Variants in PSD3 observed in about 807,000 individuals in gnomAD.
The protein encoded by PSD3 is PH and SEC7 domain-containing protein 3.
Under a neutral mutation model 105.5 loss-of-function variants are expected in PSD3, and 49 were observed. The ratio of observed to expected loss-of-function variants is 0.46; its 90% confidence interval spans 0.37 to 0.59. PSD3 has a LOEUF of 0.59. PSD3 is among the 20% of genes least tolerant of loss of function. The pLI, the probability that PSD3 is intolerant of heterozygous loss-of-function variation, is 0.00. For missense variants in PSD3, 1,561 were observed against 1,263.8 expected, an observed-to-expected ratio of 1.24 and a Z score of -3.57; for synonymous variants, 557 against 457.8, an observed-to-expected ratio of 1.22 and a Z score of -2.77.
chr8:19,039,805 T>C (rs1257899965), intron 1 of PSD3, among the ~76,000 whole-genome samples: 1 of 152,130 alleles, frequency 6.6e-6, no homozygotes, highest in Non-Finnish European at 1.5e-5. Context: ...GCAACAACAC[T>C]GGGAAATAGT....
At chr8:18,871,535 T>C in intron 3 of PSD3, 91 bp downstream of exon 3, 1 of 1,447,226 alleles carries the variant, frequency 6.9e-7, no homozygotes, top group Admixed American at 2.3e-5. Flanking sequence ...CCCAAGGTAT[T>C]GTGATTGAGT....
At position 18,799,300 on chromosome 8, in the gene PSD3, CA is replaced by C; in HGVS notation, c.2076del (p.His692GlnfsTer9). 1 of 1,603,098 alleles carries C rather than the reference CA, an allele frequency of 6.2e-7. No individual in the cohort carries two copies. Among genetic ancestry groups the C allele is most frequent in the East Asian group, 2.2e-5 (1 of 44,766 alleles). On this transcript the variant is annotated frameshift_variant, in exon 8 of 16. Transcript: ENST00000327040. LOFTEE classifies it high-confidence loss of function. ...CAIMLLNTDL[H>X]GHNIGKKMTC... The stretch of plus-strand genomic sequence containing the variant: ...TTTCACAAATCCACACTTACGTGGC[CA>C]TGTAGATCGGTATTAAGAAGCATTA...
At chr8:18,776,925 T>C (rs1415353010) in intron 8 of PSD3, among the ~76,000 whole-genome samples, 1 of 152,120 alleles carries the variant, frequency 6.6e-6, no homozygotes, top group African/African-American at 2.4e-5. Context: ...TTCATAAGAG[T>C]CTCTAATGAT....
chr8:18,793,419 A>C (rs904508022), intron 8 of PSD3, among the ~76,000 whole-genome samples: 2 of 151,470 alleles, frequency 1.3e-5, no homozygotes, highest in Non-Finnish European at 2.9e-5. Flanking sequence ...TCTGTGCAGC[A>C]AACCACGTTG....
intron 15 of PSD3, among the ~76,000 whole-genome samples, chr8:18,553,235 A>G (rs999538697): frequency 7.2e-5 from 11 of 152,192 alleles, no homozygotes; most frequent in African/African-American, 2.4e-4. Context: ...CCTGTTGAGG[A>G]GGACCCACCA....
chr8:18,997,614 C>T (rs188361702), intron 1 of PSD3, among the ~76,000 whole-genome samples: 1 of 152,174 alleles, frequency 6.6e-6, no homozygotes, highest in African/African-American at 2.4e-5. Context: ...AACCGAAGCC[C>T]TTGCAATAGC....
chr8:18,607,400 G>A (rs74507492), intron 11 of PSD3, among the ~76,000 whole-genome samples: 6,120 of 152,142 alleles, frequency 0.04, 320 homozygotes, highest in East Asian at 0.21. Context: ...ACAAAAGCCC[G>A]TAAGTCTATG....
rs1817051702 is a variant in PSD3, at chr8:18,867,803, T to C, written c.1505A>G (p.Gln502Arg). The C allele has an allele frequency of 9.3e-6, 15 of 1,613,950 alleles. No homozygotes were observed. The highest frequency in any genetic ancestry group is 2.2e-5 in the East Asian group (1 of 44,860). The change falls in exon 4 of 16, where the codon CAG becomes CGG. Residue 502 changes from glutamine to arginine, a missense_variant. By Grantham distance (43) the Gln-to-Arg change is conservative. Coordinates refer to ENST00000327040, the MANE Select transcript of PSD3 (RefSeq NM_015310.4). ...ATCTGCAGACACACTCAGGATATCC[T>C]GATGTCCTCCCCCTGATGTCCTCTC... ...FLERTSGGGH[Q>R]DILSVSADGG...
At position 18,556,349 on chromosome 8, in the gene PSD3, C is replaced by G; in HGVS notation, c.2788G>C (p.Glu930Gln). ...TTACTTTCATGTGACTTCAGTTGCT[C>G]CTCCTGCAGGAAATCATGATGCCAT... ...PATTTKLSQE[E>Q]QLKSHESKLK... The change falls in exon 15 of 16, where the codon GAG becomes CAG. Residue 930 changes from glutamate (E) to glutamine (Q), a missense_variant. Physicochemically the swap from Glu to Gln is conservative, Grantham distance 29 (BLOSUM62 2). Coordinates refer to ENST00000327040, the MANE Select transcript of PSD3 (RefSeq NM_015310.4). 6.2e-7 allele frequency: 1 copy of G among 1,611,464 alleles called. No individual in the cohort carries two copies. Among genetic ancestry groups the G allele is most frequent in the Non-Finnish European group, 8.5e-7 (1 of 1,179,144 alleles).
intron 8 of PSD3, among the ~76,000 whole-genome samples, chr8:18,777,364 C>G (rs954837079): frequency 1.3e-5 from 2 of 152,112 alleles, no homozygotes; most frequent in African/African-American, 2.4e-5. Context: ...TTTTAAAAAA[C>G]CCAACTTTTC....
chr8:18,770,511 T>C (rs1807420209), intron 8 of PSD3, among the ~76,000 whole-genome samples: 2 of 152,214 alleles, frequency 1.3e-5, no homozygotes, highest in Admixed American at 6.5e-5. Flanking sequence ...TGGGAGTATA[T>C]GAGCACTGGA....
At chr8:18,668,217 G>T (rs991040204) in intron 9 of PSD3, among the ~76,000 whole-genome samples, 1 of 152,256 alleles carries the variant, frequency 6.6e-6, no homozygotes, top group Admixed American at 6.5e-5. Context: ...AGCAAGGGCT[G>T]CCAGGACTGC....
At chr8:18,739,991 G>T (rs1237432961) in intron 9 of PSD3, among the ~76,000 whole-genome samples, 2 of 152,110 alleles carry the variant, frequency 1.3e-5, no homozygotes, top group Admixed American at 6.6e-5. Flanking sequence ...ATCAAATCTG[G>T]GATAACAGAC....
rs112500939 is a variant in PSD3, at chr8:18,770,618, G to T, written c.2083-5080C>A. 4.4e-3 allele frequency among the ~76,000 whole-genome samples: 671 copies of T among 152,268 alleles called. 4 individuals carry two copies. The highest frequency in any genetic ancestry group is 0.017 in the Middle Eastern group (5 of 294). Reference sequence around the variant, plus strand: ...TACGGCAGCTCGGGCAAATGCCTTCGGGCACCAGCAGGAGTGAACTCTGTA... The same window carrying T: ...TACGGCAGCTCGGGCAAATGCCTTCTGGCACCAGCAGGAGTGAACTCTGTA... On this transcript the variant is annotated intron_variant, in intron 8 of 15. Coordinates refer to ENST00000327040, the MANE Select transcript of PSD3 (RefSeq NM_015310.4).
intron 1 of PSD3, among the ~76,000 whole-genome samples, chr8:18,949,244 A>AAT (rs1215845074): frequency 0.022 from 311 of 14,398 alleles, 9 homozygotes; most frequent in South Asian, 0.037. Flanking sequence ...AAAAAAAAAA[A>AAT]ATATATATAT....
chr8:18,765,659 G>C, intron 8 of PSD3, 121 bp from the exon 9 acceptor site: 1 of 823,710 alleles, frequency 1.2e-6, no homozygotes, highest in Non-Finnish European at 2.0e-6. Flanking sequence ...AGGTGCGGTG[G>C]CTCACGCCTG....
chr8:18,986,667 T>C (rs1485341765), intron 1 of PSD3, among the ~76,000 whole-genome samples: 1 of 152,196 alleles, frequency 6.6e-6, no homozygotes, highest in South Asian at 2.1e-4. Context: ...ATGGCTCTTT[T>C]TGAAGAGTTA....
At chr8:18,932,238 G>C (rs1013781678) in intron 2 of PSD3, among the ~76,000 whole-genome samples, 1 of 152,126 alleles carries the variant, frequency 6.6e-6, no homozygotes, top group African/African-American at 2.4e-5. Flanking sequence ...GCTCAGTGTT[G>C]TCCACAGGCA....
chr8:18,617,953 T>C lies in PSD3; in HGVS notation c.2410+14660A>G, dbSNP rs191515673. Among the ~76,000 whole-genome samples the C allele has an allele frequency of 9.2e-5, 14 of 152,316 alleles. 1 individual carries two copies. In the Middle Eastern group the frequency reaches 0.014, roughly 148 times the overall value. On this transcript the variant is annotated intron_variant, in intron 11 of 15. Transcript: ENST00000327040. ...TCTAGTGGGGGAAATCTGCATTCTA[T>C]AGAGAATCTCCCTCCCTTGCTAAAT...
Sources: gnomAD v4.1 joint callset for allele counts (sites outside exome capture counted in the v4.1 genomes callset) on GRCh38, gnomAD v4.1.1 for gene constraint, MANE v1.5 for transcripts, NCBI Gene and HGNC (gene_info 2026-07-23, HGNC 2026-07-21) for gene names.